GNG7: variants seen among roughly 807,000 people sequenced by gnomAD.
The protein encoded by GNG7 is guanine nucleotide-binding protein G(I)/G(S)/G(O) subunit gamma-7.
A neutral mutation model predicts 4.0 loss-of-function variants in GNG7; 1 was observed. That is an observed-to-expected ratio of 0.25 (90% CI 0.09 to 1.18). GNG7 has a LOEUF of 1.18. GNG7 is among the 50% of genes most tolerant of loss of function. The probability of loss-of-function intolerance (pLI) is 0.50; values close to 1 mark genes in which losing one functional copy is unlikely to be tolerated. For missense variants in GNG7, 86 were observed against 91.9 expected (o/e 0.94, Z 0.26); for synonymous variants, 34 against 36.9 (o/e 0.92, Z 0.29).
Position 2,512,845 on chromosome 19 carries a change from C to T in GNG7, c.*2177G>A, listed in dbSNP as rs890191248. On this transcript the variant is annotated 3_prime_UTR_variant, in exon 5 of 5. Transcript: ENST00000382159. This position sits in a 1 kb window ranked among gnomAD's most constrained non-coding sequence, Gnocchi z 4.7. The stretch of plus-strand genomic sequence containing the variant: ...GGGCTCTCCCTGCCTGGGGTCCTCC[C>T]AGGGTCTCTGGAACAGGCTTTTGTC... The T allele has an allele frequency of 3.5e-5, 34 of 961,786 alleles. No individual in the cohort carries two copies. Among genetic ancestry groups the T allele is most frequent in the Admixed American group, 6.2e-5 (1 of 16,240 alleles). 59.6% of individuals were successfully genotyped at this position (961,786 alleles called of 1,614,324 possible).
At chr19:2,544,161 A>G (rs1405094405) in intron 3 of GNG7, among the ~76,000 whole-genome samples, 1 of 152,210 alleles carries the variant, frequency 6.6e-6, no homozygotes, top group East Asian at 1.9e-4. Context: ...CAGAGACAAG[A>G]GAGACAGGGT....
intron 1 of GNG7, among the ~76,000 whole-genome samples, chr19:2,683,056 C>T (rs1204315179): frequency 6.6e-6 from 1 of 151,968 alleles, no homozygotes; most frequent in African/African-American, 2.4e-5. Context: ...CGTGGTGAAA[C>T]CCCATCTCTT....
intron 1 of GNG7, among the ~76,000 whole-genome samples, chr19:2,673,655 T>C (rs1308366138): frequency 7.1e-6 from 1 of 141,012 alleles, no homozygotes; most frequent in Non-Finnish European, 1.5e-5. Flanking sequence ...ATCACACCAC[T>C]GGCACTCCAG....
intron 2 of GNG7, among the ~76,000 whole-genome samples, chr19:2,639,064 C>A (rs1364571485): frequency 1.3e-5 from 2 of 151,786 alleles, no homozygotes; most frequent in Admixed American, 6.6e-5. Context: ...TGGTGAAACC[C>A]CATCTCTACT....
intron 3 of GNG7, among the ~76,000 whole-genome samples, chr19:2,554,836 T>C (rs1316569242): frequency 6.6e-6 from 1 of 152,180 alleles, no homozygotes; most frequent in East Asian, 1.9e-4. Flanking sequence ...ATTACAGGCG[T>C]GAGCCACTGC....
rs932908929 is a variant in GNG7 at position 2,546,804 on chromosome 19, G to A, written c.-38+8345C>T. 5.3e-5 allele frequency among the ~76,000 whole-genome samples: 8 copies of A among 152,284 alleles called. No individual in the cohort carries two copies. The highest frequency in any genetic ancestry group is 2.1e-4 in the South Asian group (1 of 4,830). Reference sequence around the variant, plus strand: ...CTGTCCACCCGGCGGTGGGGTCGGCGGGGGCGGGGGATGACCACGGTCATG... The same window carrying A: ...CTGTCCACCCGGCGGTGGGGTCGGCAGGGGCGGGGGATGACCACGGTCATG... On this transcript the variant is annotated intron_variant, in intron 3 of 4. Coordinates refer to ENST00000382159, the MANE Select transcript of GNG7 (RefSeq NM_052847.3). This position sits in a 1 kb window ranked among gnomAD's most constrained non-coding sequence, Gnocchi z 6.3.
Position 2,532,745 on chromosome 19 carries a change from G to C in GNG7, c.-37-12020C>G, listed in dbSNP as rs929511106. ...AATATGAATTAAAGTCATCAAGAGA[G>C]ACTGCCTCTCAACCACTAGAGTGGC... is the stretch of plus-strand genomic sequence containing the variant. On this transcript the variant is annotated intron_variant, in intron 3 of 4. Transcript: ENST00000382159. 7.2e-5 allele frequency among the ~76,000 whole-genome samples: 11 copies of C among 152,266 alleles called. No homozygotes were observed. In the East Asian group the frequency reaches 9.6e-4, roughly 13 times the overall value.
At chr19:2,702,471 C>T (rs963845389) in intron 1 of GNG7, among the ~76,000 whole-genome samples, 175 bp downstream of exon 1, 23 of 149,824 alleles carry the variant, frequency 1.5e-4, no homozygotes, top group Middle Eastern at 3.2e-3. Context: ...GCAGCCCCGT[C>T]CCCAATTCCA....
rs1234172415 is a variant in GNG7, at chr19:2,611,242, A to ATGTC, written c.-78+34978_-78+34981dup. 6.6e-6 allele frequency: 1 copy of ATGTC among 152,212 alleles called. No homozygotes were observed. The highest frequency in any genetic ancestry group is 2.4e-5 in the African/African-American group (1 of 41,430). 9.4% of individuals were successfully genotyped at this position (152,212 alleles called of 1,614,324 possible). On this transcript the variant is annotated intron_variant, in intron 2 of 4. Transcript: ENST00000382159. The surrounding 1 kb of genome is among the most constrained non-coding windows in gnomAD (Gnocchi z 6.0). ...TGATGACTGGGAGCTGGTATCGCGA[A>ATGTC]TGTCTACACGCAGACTGACTTCAGG...
At chr19:2,540,908 C>T (rs971693999) in intron 3 of GNG7, among the ~76,000 whole-genome samples, 2 of 152,236 alleles carry the variant, frequency 1.3e-5, no homozygotes, top group African/African-American at 4.8e-5. Flanking sequence ...AGTGCCACTC[C>T]CGGCTCGATA....
At chr19:2,519,597 A>AATTTT (rs71178283) in intron 4 of GNG7, among the ~76,000 whole-genome samples, 2 of 140,640 alleles carry the variant, frequency 1.4e-5, no homozygotes, top group African/African-American at 5.3e-5. Context: ...CACATGCAAA[A>AATTTT]TTTTTTTTTT....
intron 2 of GNG7, among the ~76,000 whole-genome samples, chr19:2,640,153 G>T (rs748476560): frequency 1.5e-5 from 2 of 135,334 alleles, no homozygotes; most frequent in Non-Finnish European, 3.2e-5. Context: ...GGAAGGAAGC[G>T]GCAGAGGGAG....
chr19:2,664,453 G>A (rs771161591), intron 1 of GNG7, among the ~76,000 whole-genome samples: 3 of 152,168 alleles, frequency 2.0e-5, no homozygotes, highest in Non-Finnish European at 4.4e-5. Context: ...GACTGATGAC[G>A]GCCAGGCCGG....
Position 2,661,360 on chromosome 19 carries a change from G to T in GNG7, c.-134-15080C>A, listed in dbSNP as rs546864349. Among the ~76,000 whole-genome samples, 284 of 151,048 alleles carry T rather than the reference G, an allele frequency of 1.9e-3. 1 individual carries two copies. The highest frequency in any genetic ancestry group is 4.6e-3 in the Admixed American group (70 of 15,132). Reference sequence around the variant, plus strand: ...AGAAAGAAAGAAAGAAAGAAAGAAAGAAATGGGCCCTCCAGGCTGGGCACA... The same window carrying T: ...AGAAAGAAAGAAAGAAAGAAAGAAATAAATGGGCCCTCCAGGCTGGGCACA... On this transcript the variant is annotated intron_variant, in intron 1 of 4. Coordinates refer to ENST00000382159, the MANE Select transcript of GNG7 (RefSeq NM_052847.3).
In GNG7 at chr19:2,696,326, GAAAGAAAGAAAGAAAGAAAGA is replaced by G. The variant is rs1410358252; in HGVS notation, c.-135+6299_-135+6319del. Among the ~76,000 whole-genome samples the G allele has an allele frequency of 4.4e-4, 58 of 132,472 alleles. 1 individual carries two copies. The highest frequency in any genetic ancestry group is 1.6e-3 in the African/African-American group (55 of 33,548). The allele number at this position is 132,472 out of a possible 152,430, so 86.9% of individuals were successfully genotyped here. On this transcript the variant is annotated intron_variant, in intron 1 of 4. Coordinates refer to ENST00000382159, the MANE Select transcript of GNG7 (RefSeq NM_052847.3). ...AGAAAGAAAGAAAGAAAGAAAGAAA[GAAAGAAAGAAAGAAAGAAAGA>G]AAAGAAAGAAAAGAAAGAAAGAAAG...
At chr19:2,655,292 C>T (rs1982937368) in intron 1 of GNG7, among the ~76,000 whole-genome samples, 1 of 151,474 alleles carries the variant, frequency 6.6e-6, no homozygotes, top group African/African-American at 2.4e-5. Context: ...CAAATAAAGA[C>T]ACGCAGGCAG....
rs2144749722 is a variant in GNG7 at position 2,543,292 on chromosome 19, C to G, written c.-38+11857G>C. ...CTGGAGTGCAGTGGTGCAATCACAG[C>G]TCACTGCAGCCTTGACCTCCTGGCC... is the stretch of plus-strand genomic sequence containing the variant. On this transcript the variant is annotated intron_variant, in intron 3 of 4. Transcript: ENST00000382159. Among the ~76,000 whole-genome samples, 5 of 151,232 alleles carry G rather than the reference C, an allele frequency of 3.3e-5. 1 individual carries two copies. The Middle Eastern group carries it at 0.014, about 412-fold the overall frequency.
At chr19:2,573,543 G>A (rs762143759) in intron 2 of GNG7, among the ~76,000 whole-genome samples, 5 of 152,010 alleles carry the variant, frequency 3.3e-5, no homozygotes, top group Non-Finnish European at 7.4e-5. Flanking sequence ...GGGGCTGGGG[G>A]TGGTGGCTCA....
intron 2 of GNG7, among the ~76,000 whole-genome samples, chr19:2,640,708 C>T (rs2144854904): frequency 6.6e-6 from 1 of 151,908 alleles, no homozygotes; most frequent in East Asian, 1.9e-4. Context: ...CTCACTGCAC[C>T]ACTCGATCTC....
Sources: allele counts gnomAD v4.1 joint callset (sites outside exome capture counted in the v4.1 genomes callset), GRCh38; gene constraint gnomAD v4.1.1; non-coding constraint Gnocchi (gnomAD v3.1); transcripts MANE v1.5; gene names NCBI Gene and HGNC (gene_info 2026-07-23, HGNC 2026-07-21).